RALYL: variants seen among roughly 807,000 people sequenced by gnomAD.
The protein encoded by RALYL is RNA-binding Raly-like protein.
RALYL carries 29 observed loss-of-function variants against 35.1 expected under a neutral mutation model. That is an observed-to-expected ratio of 0.83 (90% CI 0.61 to 1.13). The LOEUF (loss-of-function observed/expected upper bound fraction) is 1.13. RALYL is among the 50% of genes most tolerant of loss of function. RALYL has a pLI of 0.00. For missense variants in RALYL, 359 were observed against 360.4 expected (o/e 1.00, Z 0.03); for synonymous variants, 120 against 127.6 (o/e 0.94, Z 0.40).
At chr8:84,804,739 A>T (rs757686658) in intron 3 of RALYL, 31 bp from the exon 4 acceptor site, 2 of 1,115,598 alleles carry the variant, frequency 1.8e-6, no homozygotes, top group Non-Finnish European at 2.4e-6. Context: ...AAATTTTTAT[A>T]TTAAAAGAAA....
At chr8:84,866,242 A>G (rs890533551) in intron 6 of RALYL, among the ~76,000 whole-genome samples, 3 of 152,204 alleles carry the variant, frequency 2.0e-5, no homozygotes, top group Admixed American at 1.3e-4. Flanking sequence ...GGAGAAGAAC[A>G]GAGGCTTTCC....
intron 2 of RALYL, among the ~76,000 whole-genome samples, chr8:84,725,832 T>A (rs1017688166): frequency 6.6e-6 from 1 of 151,682 alleles, no homozygotes. Context: ...ATGACCCACA[T>A]AAATATATTT....
chr8:84,851,878 T>G (rs574756917), intron 5 of RALYL, among the ~76,000 whole-genome samples: 1 of 152,360 alleles, frequency 6.6e-6, no homozygotes, highest in South Asian at 2.1e-4. Context: ...CCTCTCCTAA[T>G]TTCTATTGCT....
chr8:84,852,819 ACAGAG>A, intron 5 of RALYL, among the ~76,000 whole-genome samples: 1 of 152,196 alleles, frequency 6.6e-6, no homozygotes, highest in Non-Finnish European at 1.5e-5. Flanking sequence ...TACTCCATAG[ACAGAG>A]CAGAGTATTC....
chr8:84,647,190 T>C (rs1827680574), intron 2 of RALYL, among the ~76,000 whole-genome samples: 1 of 152,028 alleles, frequency 6.6e-6, no homozygotes, highest in South Asian at 2.1e-4. Context: ...ATGAGAAAGT[T>C]ATATTAAACA....
At chr8:84,425,283 G>A (rs1004675928) in intron 1 of RALYL, among the ~76,000 whole-genome samples, 15 of 151,820 alleles carry the variant, frequency 9.9e-5, no homozygotes, top group African/African-American at 2.7e-4. Flanking sequence ...TCTGAAAAGC[G>A]CAATATTCGG....
intron 1 of RALYL, among the ~76,000 whole-genome samples, chr8:84,222,560 G>A (rs952595866): frequency 5.3e-5 from 8 of 152,126 alleles, no homozygotes; most frequent in African/African-American, 1.9e-4. Context: ...TGGAGAATAT[G>A]CAGAATACTT....
At chr8:84,725,971 G>A (rs2132718123) in intron 2 of RALYL, among the ~76,000 whole-genome samples, 1 of 151,346 alleles carries the variant, frequency 6.6e-6, no homozygotes, top group Non-Finnish European at 1.5e-5. Context: ...TGCTTTATAA[G>A]CAACTGTTTA....
intron 2 of RALYL, among the ~76,000 whole-genome samples, chr8:84,582,795 G>T (rs1396258833): frequency 6.6e-6 from 1 of 151,922 alleles, no homozygotes; most frequent in Non-Finnish European, 1.5e-5. Context: ...ATAATTGTTG[G>T]TGTGGTATAG....
intron 1 of RALYL, among the ~76,000 whole-genome samples, chr8:84,498,599 T>G (rs2056335692): frequency 6.6e-6 from 1 of 152,134 alleles, no homozygotes; most frequent in African/African-American, 2.4e-5. Context: ...CTGAGGAAAG[T>G]AGGAGATGCT....
At chr8:84,699,475 G>A (rs959213754) in intron 2 of RALYL, among the ~76,000 whole-genome samples, 20 of 152,198 alleles carry the variant, frequency 1.3e-4, no homozygotes, top group Admixed American at 1.0e-3. Flanking sequence ...GGCAGATTCA[G>A]TATCTTGTGA....
chr8:84,590,274 T>A (rs1812944701), intron 2 of RALYL, among the ~76,000 whole-genome samples: 1 of 152,208 alleles, frequency 6.6e-6, no homozygotes, highest in Admixed American at 6.5e-5. Context: ...AATTATTGTT[T>A]CAAAATATAA....
intron 1 of RALYL, among the ~76,000 whole-genome samples, chr8:84,306,096 G>A (rs146790092): frequency 0.06 from 9,126 of 151,792 alleles, 327 homozygotes; most frequent in East Asian, 0.13. Flanking sequence ...CCTGGGAGGC[G>A]GAGCTTTCAG....
chr8:84,225,030 T>C (rs1563563720), intron 1 of RALYL, among the ~76,000 whole-genome samples: 2 of 152,188 alleles, frequency 1.3e-5, no homozygotes, highest in Non-Finnish European at 2.9e-5. Flanking sequence ...CCCACAGATA[T>C]TATGGATGAG....
chr8:84,261,648 C>A (rs541211688), intron 1 of RALYL, among the ~76,000 whole-genome samples: 1 of 152,120 alleles, frequency 6.6e-6, no homozygotes, highest in East Asian at 1.9e-4. Context: ...AGTTTTTTTT[C>A]TATAGAACAC....
chr8:84,226,881 T>G (rs1824010843), intron 1 of RALYL, among the ~76,000 whole-genome samples: 1 of 152,094 alleles, frequency 6.6e-6, no homozygotes, highest in East Asian at 1.9e-4. Context: ...TTGCAATATG[T>G]TGCTATCAAT....
At chr8:84,688,079 A>G (rs1318974332) in intron 2 of RALYL, among the ~76,000 whole-genome samples, 3 of 151,954 alleles carry the variant, frequency 2.0e-5, no homozygotes, top group Non-Finnish European at 2.9e-5. Context: ...TCCTCCCCCA[A>G]TTGCCATTGA....
intron 1 of RALYL, among the ~76,000 whole-genome samples, chr8:84,513,315 A>T (rs1309330515): frequency 1.3e-5 from 2 of 152,074 alleles, no homozygotes; most frequent in African/African-American, 4.8e-5. Context: ...TTTTTTAGCT[A>T]GTTTGTTATT....
Position 84,842,303 on chromosome 8 carries a change from A to G in RALYL, c.366-7677A>G, listed in dbSNP as rs572352155. On this transcript the variant is annotated intron_variant, in intron 4 of 8. Coordinates refer to ENST00000521268, the MANE Select transcript of RALYL (RefSeq NM_173848.7). ...AAGGGGATATCACCAGTGATCCCAC[A>G]GAAATACAAACTACCATCAGGGAAT... Among the ~76,000 whole-genome samples the G allele has an allele frequency of 2.6e-5, 4 of 152,382 alleles. No homozygotes were observed. In the East Asian group the frequency reaches 7.7e-4, roughly 29 times the overall value.
Sources: gnomAD v4.1 joint callset for allele counts (sites outside exome capture counted in the v4.1 genomes callset) on GRCh38, gnomAD v4.1.1 for gene constraint, MANE v1.5 for transcripts, NCBI Gene and HGNC (gene_info 2026-07-23, HGNC 2026-07-21) for gene names.